Variants in DHRSX observed in about 807,000 individuals in gnomAD.
The protein encoded by DHRSX is polyprenol dehydrogenase.
Under a neutral mutation model 34.0 loss-of-function variants are expected in DHRSX, and 31 were observed. That is an observed-to-expected ratio of 0.91 (90% CI 0.69 to 1.23). The LOEUF is 1.23. Ranked by LOEUF, DHRSX falls within the 50% of genes most tolerant of loss-of-function variation. The pLI, the probability that DHRSX is intolerant of heterozygous loss-of-function variation, is 0.00. For missense variants in DHRSX, 414 were observed against 428.1 expected (o/e 0.97, Z 0.29); for synonymous variants, 201 against 183.8 (o/e 1.09, Z -0.76).
At chrX:2,462,409 T>G (rs1385392027) in intron 1 of DHRSX, among the ~76,000 whole-genome samples, 5 of 151,904 alleles carry the variant, frequency 3.3e-5, no homozygotes, top group Admixed American at 2.0e-4. Flanking sequence ...TATATAAAAT[T>G]TAGTAATCCC....
chrX:2,231,431 TTC>T lies in DHRSX; in HGVS notation c.805-10204_805-10203del, dbSNP rs950466040. The stretch of plus-strand genomic sequence containing the variant: ...TTCCTCCTTTGCTTCCTCTTCCTTT[TTC>T]TCTTTTTCTCTCTCTATTCCTCTTT... On this transcript the variant is annotated intron_variant, in intron 6 of 6. Transcript: ENST00000334651. Among the ~76,000 whole-genome samples the T allele has an allele frequency of 1.6e-3, 237 of 151,234 alleles. 3 individuals are homozygous for T. Among genetic ancestry groups the T allele is most frequent in the African/African-American group, 5.1e-3 (209 of 41,354 alleles).
chrX:2,459,032 G>T (rs2044355537), intron 1 of DHRSX, among the ~76,000 whole-genome samples: 1 of 152,032 alleles, frequency 6.6e-6, no homozygotes, highest in Non-Finnish European at 1.5e-5. Context: ...CCAGCTACCT[G>T]GGAGGCTCAG....
intron 3 of DHRSX, among the ~76,000 whole-genome samples, chrX:2,306,284 C>G (rs2042095612): frequency 6.6e-6 from 1 of 151,536 alleles, no homozygotes. Context: ...GTAAGGGGAA[C>G]AGGGTATGGC....
rs11398813 is a variant in DHRSX, at chrX:2,425,142, G to GAAA, written c.217+52_217+54dup. 4.7e-3 allele frequency: 5,701 copies of GAAA among 1,211,492 alleles called. 2 individuals are homozygous for GAAA. The highest frequency in any genetic ancestry group is 0.018 in the African/African-American group (1,103 of 61,768). The allele number at this position is 1,211,492 out of a possible 1,614,324, so 75.0% of individuals were successfully genotyped here. A position where few individuals can be genotyped will look rare whatever the true frequency, so the allele number is the denominator to read the frequency against. ...GTTGACGGACTGCGATCCTGTCTCA[G>GAAA]AAAAAAAAAAAAACCGAAAAAACAA... On this transcript the variant is annotated intron_variant, in intron 2 of 6. Transcript: ENST00000334651.
At chrX:2,463,066 CTA>C (rs1286946907) in intron 1 of DHRSX, among the ~76,000 whole-genome samples, 1 of 152,164 alleles carries the variant, frequency 6.6e-6, no homozygotes, top group Non-Finnish European at 1.5e-5. Context: ...AATGCGTCGT[CTA>C]TGAACCAGGG....
chrX:2,226,072 G>A (rs148466966), intron 6 of DHRSX, among the ~76,000 whole-genome samples: 40,150 of 151,930 alleles, frequency 0.26, 6,607 homozygotes, highest in East Asian at 0.73. Context: ...CCTCCAGGAC[G>A]GTGGGAAAAT....
At chrX:2,479,883 G>T (rs754602699) in intron 1 of DHRSX, among the ~76,000 whole-genome samples, 1 of 152,320 alleles carries the variant, frequency 6.6e-6, no homozygotes, top group East Asian at 1.9e-4. Flanking sequence ...ACACACTGAA[G>T]ATGTTCCCTA....
intron 6 of DHRSX, among the ~76,000 whole-genome samples, chrX:2,222,376 G>A (rs1446007555): frequency 6.6e-6 from 1 of 152,186 alleles, no homozygotes; most frequent in Admixed American, 6.5e-5. Context: ...GGTGTTTCTG[G>A]TGGCCAGCCC....
chrX:2,324,680 C>G (rs1569488824), intron 3 of DHRSX, among the ~76,000 whole-genome samples: 3 of 152,054 alleles, frequency 2.0e-5, no homozygotes, highest in African/African-American at 7.2e-5. Context: ...ACAGGCAACT[C>G]AGAGTCTGCC....
intron 3 of DHRSX, among the ~76,000 whole-genome samples, chrX:2,312,315 A>C (rs2042173590): frequency 6.6e-6 from 1 of 152,180 alleles, no homozygotes; most frequent in Non-Finnish European, 1.5e-5. Context: ...CAAGGAAATT[A>C]GAGTCAGGGA....
At chrX:2,288,016 G>A (rs1488900816) in intron 4 of DHRSX, among the ~76,000 whole-genome samples, 1 of 152,174 alleles carries the variant, frequency 6.6e-6, no homozygotes, top group Non-Finnish European at 1.5e-5. Context: ...ATGTGAATTA[G>A]TGGAAGATCT....
intron 1 of DHRSX, among the ~76,000 whole-genome samples, chrX:2,474,802 C>CCT (rs1400667119): frequency 6.6e-6 from 1 of 151,510 alleles, no homozygotes; most frequent in Non-Finnish European, 1.5e-5. Context: ...CAAGAGACTG[C>CCT]CACCATATAC....
chrX:2,311,338 C>T (rs1476096715), intron 3 of DHRSX, among the ~76,000 whole-genome samples: 6 of 152,066 alleles, frequency 3.9e-5, no homozygotes, highest in African/African-American at 1.4e-4. Flanking sequence ...GTGTTTACTA[C>T]GATGGCCCTC....
chrX:2,241,381 C>A (rs1007308967), intron 6 of DHRSX, among the ~76,000 whole-genome samples: 16 of 152,144 alleles, frequency 1.1e-4, no homozygotes, highest in African/African-American at 3.6e-4. Flanking sequence ...TCTAACTTCC[C>A]CCTCCTGCTT....
chrX:2,391,125 G>A (rs1206082047), intron 3 of DHRSX, among the ~76,000 whole-genome samples: 2 of 152,188 alleles, frequency 1.3e-5, no homozygotes, highest in Non-Finnish European at 1.5e-5. Flanking sequence ...CGTGGTTTGT[G>A]CAAATATCTG....
chrX:2,330,478 G>T (rs1243475360), intron 3 of DHRSX, among the ~76,000 whole-genome samples: 1 of 144,700 alleles, frequency 6.9e-6, no homozygotes. Flanking sequence ...CTGAGATCGC[G>T]CCACGGCACT....
At chrX:2,290,611 G>A (rs759944379) in intron 4 of DHRSX, among the ~76,000 whole-genome samples, 1 of 152,110 alleles carries the variant, frequency 6.6e-6, no homozygotes, top group South Asian at 2.1e-4. Context: ...TGTCTTTATG[G>A]GCTCACTGTT....
chrX:2,380,916 G>T (rs1312540329), intron 3 of DHRSX, among the ~76,000 whole-genome samples: 1 of 152,184 alleles, frequency 6.6e-6, no homozygotes, highest in East Asian at 1.9e-4. Flanking sequence ...CCAGGCTGGA[G>T]TGCAGTGGTG....
intron 3 of DHRSX, 129 bp from the exon 4 acceptor site, chrX:2,291,732 G>T: frequency 1.4e-6 from 1 of 704,514 alleles, no homozygotes; most frequent in South Asian, 1.7e-5. Context: ...TGCTCTTTTT[G>T]AGATGGAGTC....
Sources: gnomAD v4.1 joint callset for allele counts (sites outside exome capture counted in the v4.1 genomes callset) on GRCh38, gnomAD v4.1.1 for gene constraint, MANE v1.5 for transcripts, NCBI Gene and HGNC (gene_info 2026-07-23, HGNC 2026-07-21) for gene names.